KCNG2: variants seen among roughly 807,000 people sequenced by gnomAD.
KCNG2 encodes voltage-gated potassium channel regulatory subunit KCNG2.
A neutral mutation model predicts 12.3 loss-of-function variants in KCNG2; 7 were observed. The ratio of observed to expected loss-of-function variants is 0.57; its 90% CI spans 0.32 to 1.07. KCNG2 has a LOEUF of 1.07. Among genes scored for constraint, KCNG2 ranks in the 50% least tolerant of loss-of-function variants. The probability of loss-of-function intolerance (pLI) is 0.04; values close to 1 mark genes in which losing one functional copy is unlikely to be tolerated. For synonymous variants in KCNG2, 414 were observed against 351.4 expected (o/e 1.18, Z -1.99); for missense variants, 703 against 726.0 (o/e 0.97, Z 0.36).
At chr18:79,852,901 T>A (rs1269322996) in intron 1 of KCNG2, among the ~76,000 whole-genome samples, 1 of 152,258 alleles carries the variant, frequency 6.6e-6, no homozygotes, top group Non-Finnish European at 1.5e-5. Context: ...GGATGCAGCC[T>A]CCTACCTTAG....
intron 1 of KCNG2, among the ~76,000 whole-genome samples, chr18:79,832,826 A>G (rs142670056): frequency 1.2e-3 from 184 of 152,314 alleles, no homozygotes; most frequent in African/African-American, 4.1e-3. Context: ...AGAAGTAGAT[A>G]CAATCTCTCC....
chr18:79,855,738 C>T (rs549546176), intron 1 of KCNG2, among the ~76,000 whole-genome samples: 9 of 152,134 alleles, frequency 5.9e-5, no homozygotes, highest in African/African-American at 1.2e-4. Context: ...CCTCTGCCCT[C>T]GTGCTGTGAC....
chr18:79,869,876 C>T (rs1217057536), intron 3 of KCNG2, among the ~76,000 whole-genome samples: 6 of 152,216 alleles, frequency 3.9e-5, no homozygotes, highest in African/African-American at 1.4e-4. Context: ...ACACCTCAGC[C>T]GCCGCCACCA....
At chr18:79,827,024 G>C (rs998372784) in intron 1 of KCNG2, among the ~76,000 whole-genome samples, 6 of 152,260 alleles carry the variant, frequency 3.9e-5, no homozygotes, top group African/African-American at 1.4e-4. Context: ...GCTGAGCTTT[G>C]CTGCTTGGTG....
At chr18:79,873,069 C>A (rs1979914044) in intron 3 of KCNG2, among the ~76,000 whole-genome samples, 1 of 152,260 alleles carries the variant, frequency 6.6e-6, no homozygotes, top group Admixed American at 6.5e-5. Context: ...GGTAGCTCTG[C>A]CGGTTGGGCC....
chr18:79,831,958 T>G (rs967165626), intron 1 of KCNG2, among the ~76,000 whole-genome samples: 7 of 152,168 alleles, frequency 4.6e-5, no homozygotes, highest in African/African-American at 1.7e-4. Flanking sequence ...ACCTGGGAGT[T>G]GGAATGCAAG....
chr18:79,887,062 A>ACATGGGGACACGGGACG (rs1568271504), intron 3 of KCNG2, among the ~76,000 whole-genome samples: 1 of 88,508 alleles, frequency 1.1e-5, no homozygotes, highest in Non-Finnish European at 2.4e-5. Context: ...ACGTGGGGAC[A>ACATGGGGACACGGGACG]GGGACATGGG....
At chr18:79,888,485 GCGTCCTCCT>G (rs1980626858) in intron 3 of KCNG2, among the ~76,000 whole-genome samples, 1 of 132,510 alleles carries the variant, frequency 7.5e-6, no homozygotes, top group Admixed American at 7.6e-5. Context: ...CGGGACGGCG[GCGTCCTCCT>G]CATGAGGCCG....
rs770567199 is a variant in KCNG2 at position 79,822,381 on chromosome 18, G to A, written c.-115+24367G>A. Reference sequence around the variant, plus strand: ...CCCCTCACCATCGTTCCCATCATCCGTCTGTAATAGCTCTCCAGTTTGTTT... The same window carrying A: ...CCCCTCACCATCGTTCCCATCATCCATCTGTAATAGCTCTCCAGTTTGTTT... On this transcript the variant is annotated intron_variant, in intron 1 of 3. Coordinates refer to ENST00000316249, the MANE Select transcript of KCNG2 (RefSeq NM_012283.2). This position sits in a 1 kb window ranked among gnomAD's most constrained non-coding sequence, Gnocchi z 4.4. Among the ~76,000 whole-genome samples, 12 of 152,094 alleles carry A rather than the reference G, an allele frequency of 7.9e-5. No individual in the cohort carries two copies. The highest frequency in any genetic ancestry group is 2.0e-4 in the Admixed American group (3 of 15,262).
At chr18:79,879,117 C>A (rs1459916049) in intron 3 of KCNG2, among the ~76,000 whole-genome samples, 2 of 152,332 alleles carry the variant, frequency 1.3e-5, no homozygotes, top group African/African-American at 4.8e-5. Context: ...GGAGAACCTG[C>A]CCATAGACCC....
chr18:79,823,690 T>A (rs906151861), intron 1 of KCNG2, among the ~76,000 whole-genome samples: 2 of 152,136 alleles, frequency 1.3e-5, no homozygotes, highest in South Asian at 2.1e-4. Flanking sequence ...GCTATATGAG[T>A]TTTTCCCCTT....
At chr18:79,863,351 C>A (rs1008921270) in intron 2 of KCNG2, among the ~76,000 whole-genome samples, 5 of 152,262 alleles carry the variant, frequency 3.3e-5, no homozygotes, top group Non-Finnish European at 7.3e-5. Context: ...CCGTTCGACC[C>A]CGTGTTCCAA....
At chr18:79,895,929 T>G (rs1433233095) in intron 3 of KCNG2, among the ~76,000 whole-genome samples, 1 of 152,232 alleles carries the variant, frequency 6.6e-6, no homozygotes, top group African/African-American at 2.4e-5. Flanking sequence ...GGGTGAATAT[T>G]TTCTAATGGA....
At chr18:79,872,229 C>CAA (rs747975244) in intron 3 of KCNG2, among the ~76,000 whole-genome samples, 3,644 of 81,540 alleles carry the variant, frequency 0.045, 97 homozygotes, top group African/African-American at 0.1. Flanking sequence ...TTTAGTCTGG[C>CAA]AAAAAAAAAA....
chr18:79,853,186 C>T (rs918528016), intron 1 of KCNG2, among the ~76,000 whole-genome samples: 30 of 152,240 alleles, frequency 2.0e-4, no homozygotes, highest in Admixed American at 2.0e-4. Flanking sequence ...CGTTTACATC[C>T]TAGCGGGAGT....
At chr18:79,811,774 A>T (rs1020427917) in intron 1 of KCNG2, among the ~76,000 whole-genome samples, 6 of 152,236 alleles carry the variant, frequency 3.9e-5, no homozygotes, top group African/African-American at 1.4e-4. Context: ...GAAATGAAAG[A>T]TATAAAAAAG....
chr18:79,863,947 CG>C lies in KCNG2; in HGVS notation c.284del (p.Gly95AlafsTer102). The C allele has an allele frequency of 3.0e-6, 4 of 1,325,144 alleles. No individual in the cohort carries two copies. Among genetic ancestry groups the C allele is most frequent in the Middle Eastern group, 2.2e-4 (1 of 4,648 alleles). The allele number at this position is 1,325,144 out of a possible 1,614,324, so 82.1% of individuals were successfully genotyped here. On this transcript the variant is annotated frameshift_variant, in exon 3 of 4. Coordinates refer to ENST00000316249, the MANE Select transcript of KCNG2 (RefSeq NM_012283.2). LOFTEE classifies it high-confidence loss of function. Reference protein sequence around the residue: ...LLRAGKLRLLRGPCALAFRDE... With the variant: ...LLRAGKLRLLXGPCALAFRDE... ...GCGCGCAGGGAAGCTGCGACTGCTGCGGGGCCCGTGCGCGCTGGCCTTCCGC... is the reference window on the plus strand; with the variant it reads ...GCGCGCAGGGAAGCTGCGACTGCTGCGGGCCCGTGCGCGCTGGCCTTCCGC...
At chr18:79,798,478 G>C (rs913291125) in intron 1 of KCNG2, among the ~76,000 whole-genome samples, 4 of 152,308 alleles carry the variant, frequency 2.6e-5, no homozygotes, top group Non-Finnish European at 4.4e-5. Context: ...GGCGCACCCG[G>C]CTCGCGCGGA....
intron 3 of KCNG2, among the ~76,000 whole-genome samples, chr18:79,898,124 A>G (rs774846898): frequency 2.6e-5 from 4 of 151,916 alleles, no homozygotes; most frequent in South Asian, 2.1e-4. Flanking sequence ...ACCACCTCCA[A>G]TAGCGTTGAG....
Sources: allele counts gnomAD v4.1 joint callset (sites outside exome capture counted in the v4.1 genomes callset), GRCh38; gene constraint gnomAD v4.1.1; non-coding constraint Gnocchi (gnomAD v3.1); transcripts MANE v1.5; gene names NCBI Gene and HGNC (gene_info 2026-07-23, HGNC 2026-07-21).